The following TMEM117 variants were observed in gnomAD, a reference collection of about 807,000 sequenced individuals.
TMEM117 encodes transmembrane protein 117.
TMEM117 carries 27 observed loss-of-function variants against 52.4 expected under a neutral mutation model. The observed-to-expected ratio is 0.51, with a 90% CI of 0.38 to 0.71. The LOEUF is 0.71. TMEM117 is among the 30% of genes least tolerant of loss of function. The pLI is 0.00. For missense variants in TMEM117, 556 were observed against 630.5 expected (o/e 0.88, Z 1.26); for synonymous variants, 215 against 206.3 (o/e 1.04, Z -0.36).
chr12:44,268,449 G>T (rs2138560130), intron 5 of TMEM117, among the ~76,000 whole-genome samples: 2 of 151,860 alleles, frequency 1.3e-5, no homozygotes, highest in East Asian at 3.9e-4. Flanking sequence ...TGGCCCCATG[G>T]TGTCTTTTGT....
At chr12:44,064,630 GA>G (rs1254752847) in intron 3 of TMEM117, among the ~76,000 whole-genome samples, 2 of 152,014 alleles carry the variant, frequency 1.3e-5, no homozygotes, top group Non-Finnish European at 2.9e-5. Flanking sequence ...TTTTTTTAAA[GA>G]AAAAAGCTTT....
At chr12:44,019,117 A>G (rs1946417217) in intron 3 of TMEM117, among the ~76,000 whole-genome samples, 2 of 152,032 alleles carry the variant, frequency 1.3e-5, no homozygotes, top group African/African-American at 2.4e-5. Context: ...CAAATTGCCT[A>G]TAGAGTTTTT....
intron 3 of TMEM117, among the ~76,000 whole-genome samples, chr12:43,981,671 A>G (rs1217226661): frequency 2.0e-5 from 3 of 152,244 alleles, no homozygotes; most frequent in African/African-American, 7.2e-5. Flanking sequence ...ATTACAAAAA[A>G]GATACAAGTG....
chr12:43,846,626 C>T (rs1196731869), intron 2 of TMEM117, among the ~76,000 whole-genome samples: 3 of 152,134 alleles, frequency 2.0e-5, no homozygotes, highest in Non-Finnish European at 4.4e-5. Flanking sequence ...TTACTTCCTA[C>T]AGGAGAGAGA....
chr12:44,342,755 A>G (rs928278076), intron 6 of TMEM117, among the ~76,000 whole-genome samples: 1 of 152,034 alleles, frequency 6.6e-6, no homozygotes, highest in Non-Finnish European at 1.5e-5. Context: ...TTTCTTCTTT[A>G]GTAATAACTT....
chr12:43,825,348 C>A, the TMEM117 span, among the ~76,000 whole-genome samples: 9 of 152,250 alleles, frequency 5.9e-5, no homozygotes, highest in South Asian at 1.9e-3. Context: ...GGACCCCAAG[C>A]GCTGGATTAT....
At chr12:44,176,098 A>T (rs953085574) in intron 4 of TMEM117, among the ~76,000 whole-genome samples, 3 of 152,212 alleles carry the variant, frequency 2.0e-5, no homozygotes, top group Admixed American at 1.3e-4. Flanking sequence ...TTAAGAAAGA[A>T]GTTTAATCTT....
At chr12:44,184,149 C>T (rs1949244313) in intron 4 of TMEM117, among the ~76,000 whole-genome samples, 1 of 152,040 alleles carries the variant, frequency 6.6e-6, no homozygotes, top group African/African-American at 2.4e-5. Context: ...AGTTTGAGAA[C>T]AGCCTGGCTA....
chr12:43,809,319 A>G, the TMEM117 span, among the ~76,000 whole-genome samples: 1 of 152,208 alleles, frequency 6.6e-6, no homozygotes, highest in Non-Finnish European at 1.5e-5. Flanking sequence ...AGATTTTCCT[A>G]GAGAAGAAAC....
At chr12:44,160,491 A>C (rs1948884387) in intron 4 of TMEM117, among the ~76,000 whole-genome samples, 1 of 152,202 alleles carries the variant, frequency 6.6e-6, no homozygotes, top group African/African-American at 2.4e-5. Flanking sequence ...GTATTGAATA[A>C]GTTGGATTTC....
At chr12:44,281,856 A>T (rs1264001257) in intron 5 of TMEM117, among the ~76,000 whole-genome samples, 1 of 152,152 alleles carries the variant, frequency 6.6e-6, no homozygotes, top group Non-Finnish European at 1.5e-5. Flanking sequence ...CCAATCTTGC[A>T]GTAATATTTT....
chr12:44,005,500 G>C (rs1051004752), intron 3 of TMEM117, among the ~76,000 whole-genome samples: 3 of 152,152 alleles, frequency 2.0e-5, no homozygotes, highest in African/African-American at 7.2e-5. Context: ...GCCTTGCTCT[G>C]ACTGGGGTCA....
At chr12:43,938,290 T>C (rs1944986745) in intron 2 of TMEM117, among the ~76,000 whole-genome samples, 1 of 148,950 alleles carries the variant, frequency 6.7e-6, no homozygotes, top group Admixed American at 6.7e-5. Flanking sequence ...TTAATATATA[T>C]ATTAGCTAAT....
chr12:44,398,474 G>A, the TMEM117 span, among the ~76,000 whole-genome samples: 2 of 152,144 alleles, frequency 1.3e-5, no homozygotes, highest in Admixed American at 6.5e-5. Context: ...CAGTCACTTG[G>A]CCTCCAATCA....
intron 2 of TMEM117, among the ~76,000 whole-genome samples, chr12:43,885,396 C>T (rs1221877310): frequency 7.2e-6 from 1 of 138,652 alleles, no homozygotes; most frequent in African/African-American, 2.6e-5. Context: ...AGGGCCTCCC[C>T]TATTTTCTTT....
At chr12:43,892,942 G>A (rs926702360) in intron 2 of TMEM117, among the ~76,000 whole-genome samples, 1 of 152,174 alleles carries the variant, frequency 6.6e-6, no homozygotes, top group Non-Finnish European at 1.5e-5. Flanking sequence ...TTTTATCATA[G>A]ACTTAAGGGA....
Position 44,124,608 on chromosome 12 carries a change from G to A in TMEM117, c.411-18917G>A, listed in dbSNP as rs148195855. 8.5e-3 allele frequency among the ~76,000 whole-genome samples: 1,295 copies of A among 152,102 alleles called. 13 individuals are homozygous for A. Among genetic ancestry groups the A allele is most frequent in the African/African-American group, 0.03 (1,229 of 41,494 alleles). On this transcript the variant is annotated intron_variant, in intron 3 of 7. Coordinates refer to ENST00000266534, the MANE Select transcript of TMEM117 (RefSeq NM_032256.3). ...ACCTAGTTTATTGAGAGTTTTTAAC[G>A]TGAAGAAATGTTGAATTTTATTAAA...
At chr12:43,946,332 T>C (rs1396516850) in intron 3 of TMEM117, among the ~76,000 whole-genome samples, 2 of 150,672 alleles carry the variant, frequency 1.3e-5, no homozygotes, top group East Asian at 1.9e-4. Context: ...TGATATAATA[T>C]ATAAAATATA....
At chr12:44,325,600 C>T (rs1201214022) in intron 6 of TMEM117, among the ~76,000 whole-genome samples, 1 of 151,878 alleles carries the variant, frequency 6.6e-6, no homozygotes, top group Non-Finnish European at 1.5e-5. Flanking sequence ...ATATTTTTCT[C>T]ATTGTCTTGT....
Sources: gnomAD v4.1 joint callset for allele counts (sites outside exome capture counted in the v4.1 genomes callset) on GRCh38, gnomAD v4.1.1 for gene constraint, MANE v1.5 for transcripts, NCBI Gene and HGNC (gene_info 2026-07-23, HGNC 2026-07-21) for gene names.